Variants in NRXN1 observed in about 807,000 individuals in gnomAD.
The protein encoded by NRXN1 is neurexin-1.
A neutral mutation model predicts 150.9 loss-of-function variants in NRXN1; 39 were observed. The observed-to-expected ratio is 0.26, with a 90% CI of 0.20 to 0.34. NRXN1 has a LOEUF of 0.34. NRXN1 is among the 10% of genes least tolerant of loss of function. The pLI is 1.00. For missense variants in NRXN1, 1,815 were observed against 1,949.9 expected (o/e 0.93, Z 1.30); for synonymous variants, 924 against 757.0 (o/e 1.22, Z -3.62).
intron 2 of NRXN1, among the ~76,000 whole-genome samples, chr2:50,983,989 A>G (rs1322820962): frequency 6.6e-6 from 1 of 151,830 alleles, no homozygotes; most frequent in Non-Finnish European, 1.5e-5. Context: ...TTTTTTTGAG[A>G]CAGAGTCTTA....
At chr2:50,577,869 T>C (rs914546712) in intron 8 of NRXN1, among the ~76,000 whole-genome samples, 1 of 152,160 alleles carries the variant, frequency 6.6e-6, no homozygotes, top group African/African-American at 2.4e-5. Flanking sequence ...TACTAACCAA[T>C]AATTTTAGCT....
At chr2:50,022,356 A>C (rs996750631) in intron 21 of NRXN1, among the ~76,000 whole-genome samples, 21 of 152,198 alleles carry the variant, frequency 1.4e-4, no homozygotes, top group African/African-American at 4.8e-4. Context: ...TCTAGAATTT[A>C]AAAAAGGTGA....
At chr2:49,937,502 T>C (rs1372228450) in intron 22 of NRXN1, among the ~76,000 whole-genome samples, 1 of 152,214 alleles carries the variant, frequency 6.6e-6, no homozygotes, top group Non-Finnish European at 1.5e-5. Flanking sequence ...GTACTACTTA[T>C]TTTTATTCCA....
At chr2:50,719,484 G>T (rs914173193) in intron 5 of NRXN1, among the ~76,000 whole-genome samples, 43 of 152,028 alleles carry the variant, frequency 2.8e-4, no homozygotes, top group Admixed American at 2.3e-3. Flanking sequence ...AGACCAGCCT[G>T]GCCAACATAG....
intron 17 of NRXN1, among the ~76,000 whole-genome samples, chr2:50,408,619 G>A (rs1280084702): frequency 6.6e-6 from 1 of 152,122 alleles, no homozygotes; most frequent in African/African-American, 2.4e-5. Context: ...CAAATTTCGA[G>A]GTCCCCCTAA....
At chr2:50,700,505 T>G (rs1373846739) in intron 5 of NRXN1, among the ~76,000 whole-genome samples, 1 of 152,186 alleles carries the variant, frequency 6.6e-6, no homozygotes, top group Non-Finnish European at 1.5e-5. Flanking sequence ...CATCCAAAAT[T>G]TAAACCATCT....
At position 50,783,719 on chromosome 2, in the gene NRXN1, T is replaced by C. The variant is rs1487635918; in HGVS notation, c.832+138150A>G. ...ACTTGGTAATATACATACTAGTTTA[T>C]TGTTCTTCACAGGCAAACATAGTGC... On this transcript the variant is annotated intron_variant, in intron 5 of 22. Coordinates refer to ENST00000401669, the MANE Select transcript of NRXN1 (RefSeq NM_001330078.2). Among the ~76,000 whole-genome samples the C allele has an allele frequency of 3.9e-5, 6 of 152,156 alleles. No individual in the cohort carries two copies. The East Asian group carries it at 7.7e-4, about 20-fold the overall frequency.
At chr2:50,974,839 A>T (rs1277070329) in intron 2 of NRXN1, among the ~76,000 whole-genome samples, 1 of 151,976 alleles carries the variant, frequency 6.6e-6, no homozygotes, top group Non-Finnish European at 1.5e-5. Flanking sequence ...CACTCCCACG[A>T]CTCATAATTA....
intron 18 of NRXN1, among the ~76,000 whole-genome samples, chr2:50,207,342 A>C (rs936604577): frequency 6.6e-6 from 1 of 152,138 alleles, no homozygotes; most frequent in African/African-American, 2.4e-5. Flanking sequence ...GAATTTTTTA[A>C]AAGAATACCT....
At chr2:50,557,706 ATT>A (rs1182030500) in intron 8 of NRXN1, among the ~76,000 whole-genome samples, 2 of 152,200 alleles carry the variant, frequency 1.3e-5, no homozygotes, top group African/African-American at 4.8e-5. Context: ...GTAAATACTC[ATT>A]GTTTTTATTA....
At chr2:50,802,578 CAGAG>C (rs758993832) in intron 5 of NRXN1, among the ~76,000 whole-genome samples, 19 of 110,772 alleles carry the variant, frequency 1.7e-4, no homozygotes, top group Non-Finnish European at 2.5e-4. Flanking sequence ...AGGAGAGAGA[CAGAG>C]AGAAAGAGAG....
chr2:50,095,564 A>G (rs58188895), intron 18 of NRXN1, among the ~76,000 whole-genome samples: 6,940 of 152,176 alleles, frequency 0.046, 522 homozygotes, highest in African/African-American at 0.16. Flanking sequence ...AAGCATTGCA[A>G]TGTTAAAGGT....
intron 17 of NRXN1, among the ~76,000 whole-genome samples, chr2:50,296,525 T>TATTATTATTATTATTATC (rs1396836179): frequency 1.3e-5 from 2 of 149,092 alleles, no homozygotes; most frequent in Non-Finnish European, 3.0e-5. Context: ...CTTCTATTAT[T>TATTATTATTATTATTATC]ATTATTATTA....
At chr2:50,457,654 AAAG>A (rs1460027708) in intron 17 of NRXN1, among the ~76,000 whole-genome samples, 1 of 152,156 alleles carries the variant, frequency 6.6e-6, no homozygotes. Context: ...AAAATGGGCA[AAAG>A]AAGACATTCC....
At chr2:51,031,278 G>A (rs2287232) in intron 1 of NRXN1, among the ~76,000 whole-genome samples, 27,373 of 151,948 alleles carry the variant, frequency 0.18, 4,296 homozygotes, top group African/African-American at 0.43. Context: ...TAATTCAAAA[G>A]CAGACTAACA....
At chr2:50,302,727 G>A (rs1165970080) in intron 17 of NRXN1, among the ~76,000 whole-genome samples, 4 of 152,002 alleles carry the variant, frequency 2.6e-5, no homozygotes, top group Admixed American at 6.6e-5. Flanking sequence ...CTTTCATTAC[G>A]CTAGTTTCAA....
chr2:50,855,340 A>G (rs1675116531), intron 5 of NRXN1, among the ~76,000 whole-genome samples: 1 of 152,034 alleles, frequency 6.6e-6, no homozygotes, highest in Non-Finnish European at 1.5e-5. Context: ...TATTCCAAAA[A>G]AAGTATCCAT....
chr2:50,081,226 C>A (rs143556021), intron 19 of NRXN1, among the ~76,000 whole-genome samples: 1 of 152,146 alleles, frequency 6.6e-6, no homozygotes, highest in Non-Finnish European at 1.5e-5. Context: ...CTTTTTGATA[C>A]TCTGCCTCCT....
At position 51,018,236 on chromosome 2, in the gene NRXN1, G is replaced by A. The variant is rs1437933094; in HGVS notation, c.772+9266C>T. Among the ~76,000 whole-genome samples the A allele has an allele frequency of 5.3e-5, 8 of 152,096 alleles. No homozygotes were observed. In the East Asian group the frequency reaches 1.6e-3, roughly 29 times the overall value. ...ATGTCAGGATATTAGTGAAGCAACT[G>A]TTCGTCTTGGCAGCTCCGCTTTTAA... On this transcript the variant is annotated intron_variant, in intron 2 of 22. Coordinates refer to ENST00000401669, the MANE Select transcript of NRXN1 (RefSeq NM_001330078.2).
Sources: allele counts gnomAD v4.1 joint callset (sites outside exome capture counted in the v4.1 genomes callset), GRCh38; gene constraint gnomAD v4.1.1; transcripts MANE v1.5; gene names NCBI Gene and HGNC (gene_info 2026-07-23, HGNC 2026-07-21).